Variants in PPP6R3 observed in about 807,000 individuals in gnomAD.
PPP6R3 encodes protein phosphatase 6 regulatory subunit 3.
PPP6R3 carries 38 observed loss-of-function variants against 110.7 expected under a neutral mutation model. The ratio of observed to expected loss-of-function variants is 0.34; its 90% CI spans 0.26 to 0.45. The LOEUF is 0.45. PPP6R3 is among the 20% of genes least tolerant of loss of function. PPP6R3 has a pLI of 1.00. For synonymous variants in PPP6R3, 369 were observed against 373.5 expected, an observed-to-expected ratio of 0.99 and a Z score of 0.14; for missense variants, 870 against 1,062.4, an observed-to-expected ratio of 0.82 and a Z score of 2.52.
chr11:68,610,879 T>C (rs1943065428), intron 23 of PPP6R3, among the ~76,000 whole-genome samples: 1 of 130,640 alleles, frequency 7.7e-6, no homozygotes, highest in African/African-American at 2.9e-5. Flanking sequence ...CTTGCCAGCA[T>C]TGTATGAGAG....
At chr11:68,516,575 T>C (rs956789755) in intron 1 of PPP6R3, among the ~76,000 whole-genome samples, 2 of 152,218 alleles carry the variant, frequency 1.3e-5, no homozygotes, top group Admixed American at 6.5e-5. Flanking sequence ...TCTACCATAC[T>C]TCACTTGCCC....
chr11:68,546,291 G>T (rs2099348871), intron 4 of PPP6R3, among the ~76,000 whole-genome samples: 1 of 152,130 alleles, frequency 6.6e-6, no homozygotes, highest in Non-Finnish European at 1.5e-5. Flanking sequence ...CTATCACCCT[G>T]ATATTACCAG....
At chr11:68,478,008 G>T (rs897381178) in intron 1 of PPP6R3, among the ~76,000 whole-genome samples, 2 of 150,386 alleles carry the variant, frequency 1.3e-5, no homozygotes, top group Admixed American at 6.6e-5. Context: ...GGAGTGCAGT[G>T]GCGTGATCTT....
At chr11:68,491,946 C>A (rs2098986896) in intron 1 of PPP6R3, among the ~76,000 whole-genome samples, 1 of 152,106 alleles carries the variant, frequency 6.6e-6, no homozygotes, top group Admixed American at 6.6e-5. Flanking sequence ...TCAGAGCTGT[C>A]CTGGGCCACA....
chr11:68,469,814 A>G (rs1267178410), intron 1 of PPP6R3, among the ~76,000 whole-genome samples: 1 of 152,192 alleles, frequency 6.6e-6, no homozygotes, highest in Non-Finnish European at 1.5e-5. Context: ...GAAGGTTGCC[A>G]TACCTTTGGC....
Position 68,564,391 on chromosome 11 carries a change from A to G in PPP6R3, c.934A>G (p.Arg312Gly). Residue 312 changes from arginine to glycine, a missense_variant, in exon 9 of 24, where the codon AGA (arginine) becomes GGA (glycine). Physicochemically the swap from Arg to Gly is moderately radical, Grantham distance 125. Coordinates refer to ENST00000393800, the MANE Select transcript of PPP6R3 (RefSeq NM_001164161.2). ...GAGTGTTCTAGAAGCCATCAGAGGA[A>G]GACTTGGATCTTTTCATGAACTCCT... ...NKSVLEAIRG[R>G]LGSFHELLLE... 1 of 1,614,026 alleles carries G rather than the reference A, an allele frequency of 6.2e-7. No homozygotes were observed. The highest frequency in any genetic ancestry group is 1.1e-5 in the South Asian group (1 of 91,084).
chr11:68,489,910 CATT>C (rs1463899613), intron 1 of PPP6R3, among the ~76,000 whole-genome samples: 4 of 152,122 alleles, frequency 2.6e-5, no homozygotes, highest in Admixed American at 1.3e-4. Context: ...CTTCCTGTCT[CATT>C]GTTGCCATTC....
chr11:68,486,019 G>GA (rs57775252), intron 1 of PPP6R3, among the ~76,000 whole-genome samples: 14 of 123,730 alleles, frequency 1.1e-4, no homozygotes, highest in East Asian at 7.1e-4. Context: ...AAAAATACAA[G>GA]AAAAAAAAAA....
intron 15 of PPP6R3, chr11:68,586,573 G>A (rs2099579226): frequency 6.6e-6 from 1 of 152,204 alleles, no homozygotes; most frequent in African/African-American, 2.4e-5. Context: ...AAAAGTGGGA[G>A]TGAGCAGAGG....
At chr11:68,542,734 G>A (rs558883424) in intron 3 of PPP6R3, among the ~76,000 whole-genome samples, 1 of 152,310 alleles carries the variant, frequency 6.6e-6, no homozygotes, top group South Asian at 2.1e-4. Flanking sequence ...GGGAAGGAGA[G>A]TAGCCCCAGC....
chr11:68,553,529 G>A (rs561369810), intron 6 of PPP6R3, among the ~76,000 whole-genome samples: 2 of 152,180 alleles, frequency 1.3e-5, no homozygotes, highest in South Asian at 4.1e-4. Context: ...CTGACCTCAG[G>A]TGATCTGCCT....
At chr11:68,611,314 G>A (rs949672512) in intron 23 of PPP6R3, among the ~76,000 whole-genome samples, 10 of 152,158 alleles carry the variant, frequency 6.6e-5, no homozygotes, top group African/African-American at 2.4e-4. Context: ...CCCAGTTTGG[G>A]GCAGTTGCTT....
chr11:68,514,737 G>A (rs868337933), intron 1 of PPP6R3, among the ~76,000 whole-genome samples: 4 of 151,902 alleles, frequency 2.6e-5, no homozygotes, highest in African/African-American at 4.8e-5. Context: ...GGTGTGCACC[G>A]CCACGCCCAG....
chr11:68,516,358 C>A (rs1467864008), intron 1 of PPP6R3, among the ~76,000 whole-genome samples: 1 of 152,110 alleles, frequency 6.6e-6, no homozygotes, highest in Admixed American at 6.5e-5. Context: ...TATGGACACA[C>A]AATACACAGT....
At chr11:68,581,173 G>A (rs1331150793) in intron 14 of PPP6R3, among the ~76,000 whole-genome samples, 2 of 152,198 alleles carry the variant, frequency 1.3e-5, no homozygotes, top group African/African-American at 2.4e-5. Context: ...ATGAAGATGT[G>A]TGTGCATTGT....
intron 1 of PPP6R3, among the ~76,000 whole-genome samples, chr11:68,508,638 G>A (rs2099091668): frequency 6.6e-6 from 1 of 152,190 alleles, no homozygotes; most frequent in Non-Finnish European, 1.5e-5. Flanking sequence ...CTGTTTAGTT[G>A]AGAATTTGTG....
chr11:68,545,779 C>T (rs753172886), intron 4 of PPP6R3, among the ~76,000 whole-genome samples: 8 of 152,162 alleles, frequency 5.3e-5, no homozygotes, highest in South Asian at 2.1e-4. Context: ...TGAGAACCAC[C>T]GCTTTAGTGG....
chr11:68,477,659 C>A (rs966259572), intron 1 of PPP6R3, among the ~76,000 whole-genome samples: 3 of 146,030 alleles, frequency 2.1e-5, no homozygotes, highest in African/African-American at 7.7e-5. Context: ...CCCAAGAGGT[C>A]GAGGCTGCAG....
chr11:68,527,767 C>G (rs2099207934), intron 2 of PPP6R3, among the ~76,000 whole-genome samples: 1 of 152,374 alleles, frequency 6.6e-6, no homozygotes, highest in Middle Eastern at 3.4e-3. Flanking sequence ...CCTTTGTGGT[C>G]TGGCCTTGTG....
Sources: gnomAD v4.1 joint callset for allele counts (sites outside exome capture counted in the v4.1 genomes callset) on GRCh38, gnomAD v4.1.1 for gene constraint, MANE v1.5 for transcripts, NCBI Gene and HGNC (gene_info 2026-07-23, HGNC 2026-07-21) for gene names.